DEFB134: variants seen among roughly 807,000 people sequenced by gnomAD.
The protein encoded by DEFB134 is defensin beta 134.
Under a neutral mutation model 7.4 loss-of-function variants are expected in DEFB134, and 7 were observed. The observed-to-expected ratio is 0.95, with a 90% CI of 0.54 to 1.79. DEFB134 has a LOEUF of 1.79. Ranked by LOEUF, DEFB134 falls within the 40% of genes most tolerant of loss-of-function variation. The pLI is 0.00. For missense variants in DEFB134, 105 were observed against 74.8 expected, an observed-to-expected ratio of 1.40 and a Z score of -1.49; for synonymous variants, 33 against 25.0, an observed-to-expected ratio of 1.32 and a Z score of -0.96.
exon 2 of DEFB134, chr8:11,993,823 AT>A: frequency 7.0e-6 from 7 of 996,136 alleles, no homozygotes; most frequent in Non-Finnish European, 9.7e-6. Flanking sequence ...AGCTCTTTAA[AT>A]TTAAGACCAC....
intron 1 of DEFB134, among the ~76,000 whole-genome samples, chr8:11,995,047 C>T (rs1359496184): frequency 6.6e-6 from 1 of 152,130 alleles, no homozygotes; most frequent in Non-Finnish European, 1.5e-5. Flanking sequence ...GATAATTGTC[C>T]TACATGAACA....
At chr8:11,997,486 C>A (rs139474753), upstream of DEFB134, among the ~76,000 whole-genome samples, 21 of 152,084 alleles carry the variant, frequency 1.4e-4, no homozygotes, top group Non-Finnish European at 2.6e-4. Flanking sequence ...AGATCTCACA[C>A]GCAATGACAT....
At chr8:11,995,201 A>G (rs991637355) in intron 1 of DEFB134, among the ~76,000 whole-genome samples, 1 of 152,236 alleles carries the variant, frequency 6.6e-6, no homozygotes, top group Admixed American at 6.5e-5. Context: ...TGCAAAAGGA[A>G]TTGAAGGGAA....
exon 2 of DEFB134, chr8:11,994,089 T>C (rs764932029): frequency 6.2e-7 from 1 of 1,613,540 alleles, no homozygotes; most frequent in East Asian, 2.2e-5. Flanking sequence ...TTTATAGCAT[T>C]TCTTGTGCAT....
upstream of DEFB134, chr8:11,999,266 T>C: frequency 4.8e-6 from 1 of 209,142 alleles, no homozygotes; most frequent in Admixed American, 4.9e-5. Context: ...AAAGAATTAC[T>C]GGCTGAGGCT....
chr8:11,999,336 G>C (rs999873561), upstream of DEFB134: 1 of 222,026 alleles, frequency 4.5e-6, no homozygotes, highest in Admixed American at 4.1e-5. Flanking sequence ...ACCTCAGAGA[G>C]GACATGCTCA....
At position 11,996,065 on chromosome 8, in the gene DEFB134, A is replaced by G. The variant is rs1800111848; in HGVS notation, c.58+129T>C. Reference sequence around the variant, plus strand: ...TCAAGCCCAGGTCTTGCTGACATCAAAACTAGTTGATGCTTTTTTCTAGCT... The same window carrying G: ...TCAAGCCCAGGTCTTGCTGACATCAGAACTAGTTGATGCTTTTTTCTAGCT... On this transcript the variant is annotated intron_variant, in intron 1 of 1. Coordinates refer to ENST00000526438, the Ensembl canonical transcript of DEFB134. The G allele has an allele frequency of 3.5e-6, 4 of 1,143,078 alleles. No homozygotes were observed. In the East Asian group the frequency reaches 7.1e-5, roughly 20 times the overall value. The allele number at this position is 1,143,078 out of a possible 1,614,324, so 70.8% of individuals were successfully genotyped here.
intron 1 of DEFB134, among the ~76,000 whole-genome samples, chr8:11,995,590 C>G (rs1225897764): frequency 6.6e-6 from 1 of 152,200 alleles, no homozygotes. Context: ...ACATAAAGCT[C>G]AGTGATTCTC....
chr8:11,995,570 T>A (rs1800097119), intron 1 of DEFB134, among the ~76,000 whole-genome samples: 1 of 152,196 alleles, frequency 6.6e-6, no homozygotes, highest in Non-Finnish European at 1.5e-5. Context: ...GATCAGGCAT[T>A]TCTTCTATCA....
At chr8:11,998,936 A>T (rs1256399319), upstream of DEFB134, among the ~76,000 whole-genome samples, 1 of 152,254 alleles carries the variant, frequency 6.6e-6, no homozygotes, top group Non-Finnish European at 1.5e-5. Context: ...AAAGCCTAGA[A>T]GAAACTGATA....
At chr8:11,993,268 C>T (rs1585090501) in exon 2 of DEFB134, 1 of 152,346 alleles carries the variant, frequency 6.6e-6, no homozygotes, top group Non-Finnish European at 1.5e-5. Flanking sequence ...CCAGAGGAGT[C>T]AGATGACGGG....
rs539342978 is a variant in DEFB134 at position 11,993,852 on chromosome 8, T to C, written c.*128A>G. 26 of 1,296,234 alleles carry C rather than the reference T, an allele frequency of 2.0e-5. No homozygotes were observed. In the African/African-American group the frequency reaches 2.1e-4, roughly 10 times the overall value. The allele number at this position is 1,296,234 out of a possible 1,614,324, so 80.3% of individuals were successfully genotyped here. A position where few individuals can be genotyped will look rare whatever the true frequency, so the allele number is the denominator to read the frequency against. On this transcript the variant is annotated 3_prime_UTR_variant, in exon 2 of 2. Coordinates refer to ENST00000526438, the Ensembl canonical transcript of DEFB134. ...AAGACCACAAGAGTCTGCTGGCCTA[T>C]AAAAATGCTAAAAACCAGTAGTCAT... is the stretch of plus-strand genomic sequence containing the variant.
rs1253224660 is a variant in DEFB134 at position 11,994,068 on chromosome 8, C to A, written c.113G>T (p.Cys38Phe). ...TTCACTCTCATAGCATTCAAGTCTG[C>A]AGATGCCATTTTTATAGCATTTCTT... The change falls in exon 2 of 2, where the codon TGC (cysteine) becomes TTC (phenylalanine). Residue 38 changes from cysteine (C) to phenylalanine (F), a missense_variant. Coordinates refer to ENST00000526438, the Ensembl canonical transcript of DEFB134. 6.2e-7 allele frequency: 1 copy of A among 1,613,726 alleles called. No homozygotes were observed. The highest frequency in any genetic ancestry group is 1.1e-5 in the South Asian group (1 of 91,004).
At chr8:12,000,262 G>A (rs1800235991), upstream of DEFB134, among the ~76,000 whole-genome samples, 1 of 151,754 alleles carries the variant, frequency 6.6e-6, no homozygotes, top group Non-Finnish European at 1.5e-5. Flanking sequence ...TGTCACAATT[G>A]TTACTATATC....
At chr8:11,997,573 T>C (rs897591587), upstream of DEFB134, among the ~76,000 whole-genome samples, 4 of 152,222 alleles carry the variant, frequency 2.6e-5, no homozygotes, top group Non-Finnish European at 5.9e-5. Context: ...GTTGCTATTC[T>C]TATTTCAGAC....
chr8:11,994,182 C>T, intron 1 of DEFB134, 60 bp from the exon 3 acceptor site: 1 of 1,533,046 alleles, frequency 6.5e-7, no homozygotes, highest in East Asian at 2.3e-5. Flanking sequence ...CATAAAATTG[C>T]TAGTCCCTCA....
At chr8:11,995,242 G>C (rs151093277) in intron 1 of DEFB134, among the ~76,000 whole-genome samples, 1 of 152,300 alleles carries the variant, frequency 6.6e-6, no homozygotes, top group Non-Finnish European at 1.5e-5. Flanking sequence ...TCTTTGTCTG[G>C]AGGCCACAAA....
chr8:11,995,287 T>C (rs559545290), intron 1 of DEFB134, among the ~76,000 whole-genome samples: 1 of 152,340 alleles, frequency 6.6e-6, no homozygotes, highest in African/African-American at 2.4e-5. Context: ...ATTGGTTGCA[T>C]CAGCAGCTTT....
At chr8:11,994,406 G>C (rs1800064176) in intron 1 of DEFB134, among the ~76,000 whole-genome samples, 1 of 152,198 alleles carries the variant, frequency 6.6e-6, no homozygotes, top group Non-Finnish European at 1.5e-5. Flanking sequence ...CAATAAGATT[G>C]ATAGGCTAAT....
Sources: allele counts gnomAD v4.1 joint callset (sites outside exome capture counted in the v4.1 genomes callset), GRCh38; gene constraint gnomAD v4.1.1; transcripts MANE v1.5; gene names NCBI Gene and HGNC (gene_info 2026-07-23, HGNC 2026-07-21).